The following ATP8B2 variants were observed in gnomAD, a reference collection of about 807,000 sequenced individuals.
The protein encoded by ATP8B2 is ATPase phospholipid transporting 8B2.
Under a neutral mutation model 133.4 loss-of-function variants are expected in ATP8B2, and 70 were observed. That is an observed-to-expected ratio of 0.52 (90% CI 0.43 to 0.64). The LOEUF (loss-of-function observed/expected upper bound fraction) is 0.64. ATP8B2 is among the 30% of genes least tolerant of loss of function. ATP8B2 has a pLI of 0.00. For synonymous variants in ATP8B2, 517 were observed against 589.5 expected, an observed-to-expected ratio of 0.88 and a Z score of 1.78; for missense variants, 1,101 against 1,535.7, an observed-to-expected ratio of 0.72 and a Z score of 4.73.
At position 154,343,142 on chromosome 1, in the gene ATP8B2, G is replaced by A; in HGVS notation, c.1483G>A (p.Asp495Asn). The A allele has an allele frequency of 1.2e-6, 2 of 1,614,128 alleles. No individual in the cohort carries two copies. Among genetic ancestry groups the A allele is most frequent in the Non-Finnish European group, 1.7e-6 (2 of 1,180,022 alleles). ...GELYYKAQSP[D>N]EGALVTAARN... Reference sequence around the variant, plus strand: ...GCTGTACTACAAAGCTCAGTCCCCAGATGAGGGGGCCCTGGTCACCGCAGC... The same window carrying A: ...GCTGTACTACAAAGCTCAGTCCCCAAATGAGGGGGCCCTGGTCACCGCAGC... The change falls in exon 16 of 28, where the codon GAT becomes AAT. Residue 495 changes from aspartate (D) to asparagine (N), a missense_variant. Physicochemically the swap from Asp to Asn is conservative, Grantham distance 23. Transcript: ENST00000368489. This position sits in a 1 kb window ranked among gnomAD's most constrained non-coding sequence, Gnocchi z 5.8.
chr1:154,331,143 C>T lies in ATP8B2; in HGVS notation c.300C>T (p.Asp100=). ...TITAVKDATD[D]YFRHKSDNQV... The stretch of plus-strand genomic sequence containing the variant: ...CAGCTGTTAAAGATGCCACTGATGA[C>T]TATGTGAGTGGTTTTCATTCTTCTA... The change falls in exon 5 of 28, where the codon GAC becomes GAT. Residue 100 remains aspartate, a synonymous_variant. Transcript: ENST00000368489. This position sits in a 1 kb window ranked among gnomAD's most constrained non-coding sequence, Gnocchi z 4.8. 6.2e-7 allele frequency: 1 copy of T among 1,612,440 alleles called. No individual in the cohort carries two copies. Among genetic ancestry groups the T allele is most frequent in the Admixed American group, 1.7e-5 (1 of 60,010 alleles).
At chr1:154,337,676 G>A (rs1686236064) in intron 12 of ATP8B2, 132 bp downstream of exon 12, 2 of 1,595,508 alleles carry the variant, frequency 1.3e-6, no homozygotes, top group African/African-American at 2.7e-5. Flanking sequence ...AACATTTGAT[G>A]TTATCTGTTT....
chr1:154,334,384 G>A lies in ATP8B2; in HGVS notation c.748+119G>A. ...AAAAAACCTCCAGCTGTGTATACAG[G>A]CTTCTTATCTAGCCAGTATCTCTAT... On this transcript the variant is annotated intron_variant, in intron 10 of 27. Coordinates refer to ENST00000368489, the MANE Select transcript of ATP8B2 (RefSeq NM_001370597.1). This position sits in a 1 kb window ranked among gnomAD's most constrained non-coding sequence, Gnocchi z 4.6. The A allele has an allele frequency of 6.6e-7, 1 of 1,515,994 alleles. No individual in the cohort carries two copies. Among genetic ancestry groups the A allele is most frequent in the Non-Finnish European group, 9.0e-7 (1 of 1,105,254 alleles). The allele number at this position is 1,515,994 out of a possible 1,614,324, so 93.9% of individuals were successfully genotyped here. A position where few individuals can be genotyped will look rare whatever the true frequency, so the allele number is the denominator to read the frequency against.
intron 3 of ATP8B2, 73 bp from the exon 4 acceptor site, chr1:154,330,742 G>A: frequency 3.1e-6 from 4 of 1,288,884 alleles, no homozygotes; most frequent in Non-Finnish European, 4.5e-6. Context: ...GTATAAAGAT[G>A]GGGGAGGCAG....
At position 154,343,582 on chromosome 1, in the gene ATP8B2, G is replaced by A. The variant is rs760803475; in HGVS notation, c.1758+14G>A. The stretch of plus-strand genomic sequence containing the variant: ...GACCACCTTAATGTGGGTGTGAGGA[G>A]AGGAGGGGCCAGCCTGGGGGGTTCT... On this transcript the variant is annotated intron_variant, in intron 17 of 27. Transcript: ENST00000368489. This position sits in a 1 kb window ranked among gnomAD's most constrained non-coding sequence, Gnocchi z 5.8. 3 of 1,611,216 alleles carry A rather than the reference G, an allele frequency of 1.9e-6. No homozygotes were observed. Among genetic ancestry groups the A allele is most frequent in the Non-Finnish European group, 2.5e-6 (3 of 1,177,604 alleles).
chr1:154,350,071 C>G lies in ATP8B2; in HGVS notation c.*953C>G, dbSNP rs1371483751. 6.6e-6 allele frequency: 1 copy of G among 151,372 alleles called. No individual in the cohort carries two copies. The highest frequency in any genetic ancestry group is 1.5e-5 in the Non-Finnish European group (1 of 67,922). The allele number at this position is 151,372 out of a possible 1,614,324, so 9.4% of individuals were successfully genotyped here. A position where few individuals can be genotyped will look rare whatever the true frequency, so the allele number is the denominator to read the frequency against. On this transcript the variant is annotated 3_prime_UTR_variant, in exon 28 of 28. Coordinates refer to ENST00000368489, the MANE Select transcript of ATP8B2 (RefSeq NM_001370597.1). Reference sequence around the variant, plus strand: ...TAGTTTTCTTTTCTTTTTTCTTTTTCTTTTTTTCTTTTTTTTTTTGAGATG... The same window carrying G: ...TAGTTTTCTTTTCTTTTTTCTTTTTGTTTTTTTCTTTTTTTTTTTGAGATG...
rs372600419 is a variant in ATP8B2 at position 154,328,544 on chromosome 1, G to T, written c.31+372G>T. ...TCTCCTGGTTTTTCCGCGGGCGGGG[G>T]TGTGTGTGTGTGAAAGCGGTTGCCC... On this transcript the variant is annotated intron_variant, in intron 2 of 27. Coordinates refer to ENST00000368489, the MANE Select transcript of ATP8B2 (RefSeq NM_001370597.1). The surrounding 1 kb of genome is among the most constrained non-coding windows in gnomAD (Gnocchi z 4.6). Among the ~76,000 whole-genome samples the T allele has an allele frequency of 4.5e-4, 67 of 149,982 alleles. No homozygotes were observed. The highest frequency in any genetic ancestry group is 6.9e-3 in the Middle Eastern group (2 of 290).
In ATP8B2 at chr1:154,328,821, C is replaced by T. The variant is rs555556503; in HGVS notation, c.31+649C>T. The stretch of plus-strand genomic sequence containing the variant: ...CTGAGCTCGCGGTGTCCCCGAGCGC[C>T]GGCGGCCGGGAGGATGGCCTGGGCT... On this transcript the variant is annotated intron_variant, in intron 2 of 27. Transcript: ENST00000368489. The surrounding 1 kb of genome is among the most constrained non-coding windows in gnomAD (Gnocchi z 4.6). 3.4e-4 allele frequency: 357 copies of T among 1,036,722 alleles called. 2 individuals are homozygous for T. The African/African-American group carries it at 6.0e-3, about 17-fold the overall frequency. 64.2% of individuals were successfully genotyped at this position (1,036,722 alleles called of 1,614,324 possible).
chr1:154,341,145 T>C (rs575396951), intron 13 of ATP8B2, 83 bp downstream of exon 13: 7 of 1,451,970 alleles, frequency 4.8e-6, no homozygotes, highest in Non-Finnish European at 4.8e-6. Context: ...TTCCTTAACA[T>C]TGGTTTTTTC....
At chr1:154,332,561 A>G in intron 8 of ATP8B2, 57 bp from the exon 9 acceptor site, 1 of 1,417,768 alleles carries the variant, frequency 7.1e-7, no homozygotes, top group Non-Finnish European at 9.8e-7. Flanking sequence ...CCATCTGTGA[A>G]AAAAAACATT....
In ATP8B2 at chr1:154,331,525, A is replaced by G. The variant is rs201831829; in HGVS notation, c.365+20A>G. 6.2e-6 allele frequency: 10 copies of G among 1,613,966 alleles called. No homozygotes were observed. In the African/African-American group the frequency reaches 1.2e-4, roughly 19 times the overall value. On this transcript the variant is annotated intron_variant, in intron 6 of 27. Coordinates refer to ENST00000368489, the MANE Select transcript of ATP8B2 (RefSeq NM_001370597.1). The surrounding 1 kb of genome is among the most constrained non-coding windows in gnomAD (Gnocchi z 4.8). ...TGGAATGTGAGTGCCTGTTGGAGAC[A>G]AGAGCTCTGGGGACGAAGGGGGTCC...
chr1:154,331,209 C>A lies in ATP8B2; in HGVS notation c.303+63C>A. 7.0e-7 allele frequency: 1 copy of A among 1,435,678 alleles called. No homozygotes were observed. Among genetic ancestry groups the A allele is most frequent in the Non-Finnish European group, 9.7e-7 (1 of 1,032,180 alleles). The allele number at this position is 1,435,678 out of a possible 1,614,324, so 88.9% of individuals were successfully genotyped here. A position where few individuals can be genotyped will look rare whatever the true frequency, so the allele number is the denominator to read the frequency against. The stretch of plus-strand genomic sequence containing the variant: ...CCACCCCTACTCCCAGCCCCACCCC[C>A]ATCTCATGGCCACCTTCATCCAGCA... On this transcript the variant is annotated intron_variant, in intron 5 of 27. Transcript: ENST00000368489. This position sits in a 1 kb window ranked among gnomAD's most constrained non-coding sequence, Gnocchi z 4.8.
chr1:154,343,546 A>G lies in ATP8B2; in HGVS notation c.1736A>G (p.Asn579Ser), dbSNP rs144282066. The G allele has an allele frequency of 1.3e-5, 21 of 1,613,946 alleles. No homozygotes were observed. The highest frequency in any genetic ancestry group is 3.3e-5 in the Admixed American group (2 of 59,980). Residue 579 changes from asparagine (N) to serine (S), a missense_variant, in exon 17 of 28, where the codon AAC (asparagine) becomes AGC (serine). Transcript: ENST00000368489. This position sits in a 1 kb window ranked among gnomAD's most constrained non-coding sequence, Gnocchi z 5.8. ...RLHHSTQELL[N>S]TTMDHLNEYA... ...CACCACTCCACTCAAGAGCTGCTCA[A>G]CACCACCATGGACCACCTTAATGTG...
In ATP8B2 at chr1:154,332,648, T is replaced by C. The variant is rs756497833; in HGVS notation, c.540T>C (p.Ile180=). The C allele has an allele frequency of 1.9e-6, 3 of 1,589,526 alleles. No homozygotes were observed. The highest frequency in any genetic ancestry group is 2.6e-6 in the Non-Finnish European group (3 of 1,166,920). The change falls in exon 9 of 28, where the codon ATT becomes ATC. Residue 180 remains isoleucine, a synonymous_variant. Transcript: ENST00000368489. The part of the protein sequence containing the change: ...GETNMKVRQA[I]PVTSELGDIS... ...CCAACATGAAAGTACGTCAGGCGATTCCAGTCACCTCAGAATTGGGAGACA... is the reference window on the plus strand; with the variant it reads ...CCAACATGAAAGTACGTCAGGCGATCCCAGTCACCTCAGAATTGGGAGACA...
intron 1 of ATP8B2, among the ~76,000 whole-genome samples, chr1:154,327,540 GAA>G (rs1192843196): frequency 6.6e-6 from 1 of 152,170 alleles, no homozygotes; most frequent in African/African-American, 2.4e-5. Context: ...TGTCTGTGCA[GAA>G]AGTGAGGGCC....
In ATP8B2 at chr1:154,334,548, A is replaced by G. The variant is rs780541207; in HGVS notation, c.794A>G (p.Lys265Arg). ...CAAAACAGCGGCAGAACAAAGTTCA[A>G]AAGAACGAGTATCGATCGCCTAATG... ...LMQNSGRTKF[K>R]RTSIDRLMNT... The change falls in exon 11 of 28, where the codon AAA becomes AGA. Residue 265 changes from lysine (K) to arginine (R), a missense_variant. Physicochemically the swap from Lys to Arg is conservative, Grantham distance 26. Transcript: ENST00000368489. The surrounding 1 kb of genome is among the most constrained non-coding windows in gnomAD (Gnocchi z 4.6). The G allele has an allele frequency of 1.9e-6, 3 of 1,614,112 alleles. No individual in the cohort carries two copies. The highest frequency in any genetic ancestry group is 1.1e-5 in the South Asian group (1 of 91,072).
At position 154,328,952 on chromosome 1, in the gene ATP8B2, A is replaced by G. The variant is rs552836459; in HGVS notation, c.31+780A>G. On this transcript the variant is annotated intron_variant, in intron 2 of 27. Transcript: ENST00000368489. The surrounding 1 kb of genome is among the most constrained non-coding windows in gnomAD (Gnocchi z 4.6). ...TCGATGCCACTAAGGCCAAGGACATATAGACGGTCTGCCCTCCCCCACTCA... is the reference window on the plus strand; with the variant it reads ...TCGATGCCACTAAGGCCAAGGACATGTAGACGGTCTGCCCTCCCCCACTCA... 3.3e-5 allele frequency: 43 copies of G among 1,303,810 alleles called. 1 individual carries two copies. In the South Asian group the frequency reaches 4.7e-4, roughly 14 times the overall value. 80.8% of individuals were successfully genotyped at this position (1,303,810 alleles called of 1,614,324 possible). A position where few individuals can be genotyped will look rare whatever the true frequency, so the allele number is the denominator to read the frequency against.
Position 154,345,809 on chromosome 1 carries a change from G to T in ATP8B2, c.2704G>T (p.Asp902Tyr). Reference sequence around the variant, plus strand: ...CCCTGTTCTCTTCCAGACCGTCTATGACCAGTATTTCATCACCCTGTATAA... The same window carrying T: ...CCCTGTTCTCTTCCAGACCGTCTATTACCAGTATTTCATCACCCTGTATAA... ...FCGFSAQTVYDQYFITLYNIV... is the reference protein window; with the variant it reads ...FCGFSAQTVYYQYFITLYNIV... The change falls in exon 24 of 28, where the codon GAC becomes TAC. Residue 902 changes from aspartate to tyrosine, a missense_variant. Asp to Tyr is a radical substitution (Grantham distance 160, BLOSUM62 -3). Transcript: ENST00000368489. This position sits in a 1 kb window ranked among gnomAD's most constrained non-coding sequence, Gnocchi z 5.6. 2 of 1,612,860 alleles carry T rather than the reference G, an allele frequency of 1.2e-6. No individual in the cohort carries two copies. The highest frequency in any genetic ancestry group is 2.2e-5 in the South Asian group (2 of 91,002).
In ATP8B2 at chr1:154,331,083, C is replaced by T; in HGVS notation, c.240C>T (p.Thr80=). ...AGATCTCTTCCCTGTCCTGGTTCAC[C>T]ACCATTGTGCCTTTGGTTCTTGTCC... is the stretch of plus-strand genomic sequence containing the variant. ...IPQISSLSWF[T]TIVPLVLVLT... The change falls in exon 5 of 28, where the codon ACC becomes ACT. Residue 80 remains threonine (T), a synonymous_variant. Transcript: ENST00000368489. This position sits in a 1 kb window ranked among gnomAD's most constrained non-coding sequence, Gnocchi z 4.8. 1.2e-6 allele frequency: 2 copies of T among 1,614,104 alleles called. No homozygotes were observed. The highest frequency in any genetic ancestry group is 1.7e-6 in the Non-Finnish European group (2 of 1,179,996).
Sources: gnomAD v4.1 joint callset for allele counts (sites outside exome capture counted in the v4.1 genomes callset) on GRCh38, gnomAD v4.1.1 for gene constraint, Gnocchi (gnomAD v3.1) non-coding constraint, MANE v1.5 for transcripts, NCBI Gene and HGNC (gene_info 2026-07-23, HGNC 2026-07-21) for gene names.